The following ARL15 variants were observed in gnomAD, a reference collection of about 807,000 sequenced individuals.
ARL15 encodes the protein ADP-ribosylation factor-like protein 15.
ARL15 carries 19 observed loss-of-function variants against 25.2 expected under a neutral mutation model. That is an observed-to-expected ratio of 0.75 (90% confidence interval 0.53 to 1.10). The LOEUF (loss-of-function observed/expected upper bound fraction) is 1.10. Among genes scored for constraint, ARL15 ranks in the 50% least tolerant of loss-of-function variants. The pLI, the probability that ARL15 is intolerant of heterozygous loss-of-function variation, is 0.00. For synonymous variants in ARL15, 94 were observed against 86.8 expected, an observed-to-expected ratio of 1.08 and a Z score of -0.46; for missense variants, 220 against 246.0, an observed-to-expected ratio of 0.89 and a Z score of 0.71.
chr5:54,166,503 G>A (rs1235793094), intron 2 of ARL15, among the ~76,000 whole-genome samples: 1 of 152,012 alleles, frequency 6.6e-6, no homozygotes, highest in East Asian at 1.9e-4. Flanking sequence ...GCCCAGCCTT[G>A]CTCATGTTCC....
chr5:54,203,875 AG>A (rs1755787827), intron 1 of ARL15, among the ~76,000 whole-genome samples: 1 of 152,164 alleles, frequency 6.6e-6, no homozygotes, highest in African/African-American at 2.4e-5. Context: ...ATTTATTCAA[AG>A]ATTATAATGT....
intron 4 of ARL15, among the ~76,000 whole-genome samples, chr5:54,078,403 C>T (rs1015237100): frequency 9.9e-5 from 15 of 152,184 alleles, no homozygotes; most frequent in African/African-American, 2.4e-4. Context: ...AGAAACAACA[C>T]GAACGACCAC....
intron 4 of ARL15, among the ~76,000 whole-genome samples, chr5:54,054,928 C>A (rs156389): frequency 0.35 from 53,277 of 152,004 alleles, 11,379 homozygotes; most frequent in Admixed American, 0.47. Context: ...CTTCTCCATG[C>A]GACCTAAACA....
intron 1 of ARL15, among the ~76,000 whole-genome samples, chr5:54,292,366 T>G (rs1758356171): frequency 1.3e-5 from 2 of 152,196 alleles, no homozygotes; most frequent in African/African-American, 2.4e-5. Flanking sequence ...AAAGGCAGTA[T>G]AGTCATTGCC....
chr5:54,061,035 A>G (rs1370089684), intron 4 of ARL15, among the ~76,000 whole-genome samples: 2 of 152,190 alleles, frequency 1.3e-5, no homozygotes, highest in Non-Finnish European at 2.9e-5. Flanking sequence ...GTTAATCCCC[A>G]AGACAATGGG....
At chr5:53,908,328 A>G (rs1013967075) in intron 4 of ARL15, among the ~76,000 whole-genome samples, 1 of 151,838 alleles carries the variant, frequency 6.6e-6, no homozygotes, top group Non-Finnish European at 1.5e-5. Context: ...GATTGAAAAT[A>G]CTCAAAAAAA....
intron 3 of ARL15, among the ~76,000 whole-genome samples, chr5:54,136,125 T>C (rs1436924652): frequency 6.6e-6 from 1 of 152,194 alleles, no homozygotes; most frequent in African/African-American, 2.4e-5. Context: ...ACAATGAATT[T>C]ATAAGCTTTA....
intron 4 of ARL15, among the ~76,000 whole-genome samples, chr5:53,940,100 T>C (rs1226984355): frequency 1.3e-5 from 2 of 151,356 alleles, no homozygotes; most frequent in Non-Finnish European, 2.9e-5. Context: ...TGCCTCAGCC[T>C]CCCGAGTAGC....
intron 3 of ARL15, among the ~76,000 whole-genome samples, chr5:54,135,082 T>C (rs1441314445): frequency 6.6e-6 from 1 of 152,118 alleles, no homozygotes; most frequent in Admixed American, 6.5e-5. Flanking sequence ...AAAAAGTTCT[T>C]GACAAGCTGG....
intron 1 of ARL15, among the ~76,000 whole-genome samples, chr5:54,224,823 G>C (rs775589567): frequency 6.6e-6 from 1 of 152,138 alleles, no homozygotes; most frequent in Non-Finnish European, 1.5e-5. Flanking sequence ...AAAGCAAAAA[G>C]ACTGAAGCCA....
At chr5:54,268,729 C>G (rs1429026654) in intron 1 of ARL15, among the ~76,000 whole-genome samples, 2 of 152,044 alleles carry the variant, frequency 1.3e-5, no homozygotes, top group Admixed American at 6.6e-5. Flanking sequence ...GGGTATATAC[C>G]CAAAGGACTA....
chr5:54,100,160 G>T (rs1343326882), intron 4 of ARL15, among the ~76,000 whole-genome samples: 1 of 152,072 alleles, frequency 6.6e-6, no homozygotes, highest in Non-Finnish European at 1.5e-5. Context: ...TTAAAAAGCT[G>T]TAAGGCATCA....
intron 1 of ARL15, among the ~76,000 whole-genome samples, chr5:54,300,137 A>T (rs1278469409): frequency 1.3e-5 from 2 of 152,138 alleles, no homozygotes; most frequent in Non-Finnish European, 2.9e-5. Flanking sequence ...TCCCACCAAG[A>T]GATATCTCCC....
intron 1 of ARL15, among the ~76,000 whole-genome samples, chr5:54,224,649 T>C (rs1270986588): frequency 6.6e-6 from 1 of 152,152 alleles, no homozygotes; most frequent in Non-Finnish European, 1.5e-5. Context: ...ATCATCAGTG[T>C]AAAAATGATA....
intron 1 of ARL15, among the ~76,000 whole-genome samples, chr5:54,245,161 T>C (rs1306387271): frequency 6.6e-6 from 1 of 152,170 alleles, no homozygotes; most frequent in Non-Finnish European, 1.5e-5. Context: ...TAAAATAATC[T>C]CTCAAAGAAA....
intron 1 of ARL15, among the ~76,000 whole-genome samples, chr5:54,289,868 A>G (rs1275878339): frequency 6.6e-6 from 1 of 152,208 alleles, no homozygotes; most frequent in African/African-American, 2.4e-5. Context: ...TGTATATTTT[A>G]ATTGAATATC....
chr5:53,972,617 A>T (rs1747789390), intron 4 of ARL15, among the ~76,000 whole-genome samples: 1 of 152,152 alleles, frequency 6.6e-6, no homozygotes, highest in Non-Finnish European at 1.5e-5. Flanking sequence ...ACATGTGTCC[A>T]AACTAATATA....
At chr5:53,910,820 A>C (rs1348588310) in intron 4 of ARL15, among the ~76,000 whole-genome samples, 2 of 151,612 alleles carry the variant, frequency 1.3e-5, no homozygotes, top group African/African-American at 4.8e-5. Context: ...AGAGCAACAA[A>C]TATGAAACTC....
intron 1 of ARL15, among the ~76,000 whole-genome samples, chr5:54,296,815 A>C (rs1479106344): frequency 6.6e-6 from 1 of 152,222 alleles, no homozygotes; most frequent in Non-Finnish European, 1.5e-5. Context: ...AGGACCCTCA[A>C]TTCTGTTTTG....
Sources: gnomAD v4.1 joint callset for allele counts (sites outside exome capture counted in the v4.1 genomes callset) on GRCh38, gnomAD v4.1.1 for gene constraint, MANE v1.5 for transcripts, NCBI Gene and HGNC (gene_info 2026-07-23, HGNC 2026-07-21) for gene names.